Variants in NCKAP1 observed in about 807,000 individuals in gnomAD.
NCKAP1 encodes the protein NCK associated protein 1, also known as nck-associated protein 1.
A neutral mutation model predicts 151.2 loss-of-function variants in NCKAP1; 21 were observed. The ratio of observed to expected loss-of-function variants is 0.14; its 90% confidence interval spans 0.10 to 0.20. NCKAP1 has a LOEUF of 0.20. Among genes scored for constraint, NCKAP1 ranks in the 10% least tolerant of loss-of-function variants. The probability of loss-of-function intolerance (pLI) is 1.00; values close to 1 mark genes in which losing one functional copy is unlikely to be tolerated. For synonymous variants in NCKAP1, 484 were observed against 451.8 expected (o/e 1.07, Z -0.90); for missense variants, 933 against 1,352.1 (o/e 0.69, Z 4.86).
intron 24 of NCKAP1, among the ~76,000 whole-genome samples, chr2:182,935,831 T>A (rs1343687215): frequency 6.6e-6 from 1 of 152,176 alleles, no homozygotes; most frequent in Non-Finnish European, 1.5e-5. Context: ...TCTTAAATTG[T>A]TAAGGTCTTG....
intron 2 of NCKAP1, among the ~76,000 whole-genome samples, chr2:183,004,839 G>A (rs933590487): frequency 6.8e-5 from 10 of 146,294 alleles, no homozygotes; most frequent in African/African-American, 1.8e-4. Flanking sequence ...AGCTTAGATC[G>A]AGCCACTGCA....
chr2:182,996,602 C>T (rs1273616835), intron 6 of NCKAP1, among the ~76,000 whole-genome samples: 4 of 152,164 alleles, frequency 2.6e-5, no homozygotes, highest in East Asian at 3.9e-4. Context: ...GAACTACAGG[C>T]GCCCGCCACC....
At chr2:183,010,373 C>G (rs890511216) in intron 2 of NCKAP1, among the ~76,000 whole-genome samples, 1 of 152,204 alleles carries the variant, frequency 6.6e-6, no homozygotes, top group Non-Finnish European at 1.5e-5. Context: ...ACTTCAGCAT[C>G]CCTGCTGTTC....
intron 24 of NCKAP1, among the ~76,000 whole-genome samples, chr2:182,940,797 C>T (rs1045606866): frequency 1.1e-4 from 17 of 152,144 alleles, no homozygotes; most frequent in African/African-American, 3.6e-4. Flanking sequence ...TGATATGTGT[C>T]GTATGACACA....
chr2:182,957,448 G>A lies in NCKAP1; in HGVS notation c.2021+9C>T. 1 of 1,607,836 alleles carries A rather than the reference G, an allele frequency of 6.2e-7. No individual in the cohort carries two copies. On this transcript the variant is annotated intron_variant, in intron 19 of 30. Transcript: ENST00000361354. ...GGAGCAAAAAGGTATAATATAAGTG[G>A]ATACTTACTTGGTCACAACCAGCCT...
chr2:183,018,317 A>G (rs1486320337), intron 2 of NCKAP1, among the ~76,000 whole-genome samples: 1 of 152,232 alleles, frequency 6.6e-6, no homozygotes, highest in Non-Finnish European at 1.5e-5. Context: ...TATCCAGCTA[A>G]TAAGTGGAAA....
rs1696462470 is a variant in NCKAP1 at position 182,916,100 on chromosome 2, CT to C, written c.*9601del. 1.3e-5 allele frequency: 2 copies of C among 150,910 alleles called. No homozygotes were observed. 9.3% of individuals were successfully genotyped at this position (150,910 alleles called of 1,614,324 possible). A position where few individuals can be genotyped will look rare whatever the true frequency, so the allele number is the denominator to read the frequency against. The stretch of plus-strand genomic sequence containing the variant: ...CCTGCTCCTGCTCCTCCCTCTCCCC[CT>C]CCCCCACTCCAACTCTCCTTTTCCC... On this transcript the variant is annotated 3_prime_UTR_variant, in exon 31 of 31. Coordinates refer to ENST00000361354, the MANE Select transcript of NCKAP1 (RefSeq NM_013436.5).
intron 23 of NCKAP1, among the ~76,000 whole-genome samples, chr2:182,943,262 A>G (rs1161497767): frequency 6.6e-6 from 1 of 152,194 alleles, no homozygotes; most frequent in East Asian, 1.9e-4. Flanking sequence ...GTTTTTTACA[A>G]ACGAAAGGTT....
chr2:182,975,698 G>A (rs951179638), intron 15 of NCKAP1, among the ~76,000 whole-genome samples: 1 of 152,070 alleles, frequency 6.6e-6, no homozygotes, highest in African/African-American at 2.4e-5. Flanking sequence ...CCGAGGCCAG[G>A]AGTCTGAGAT....
At chr2:183,013,269 A>T (rs1215003888) in intron 2 of NCKAP1, among the ~76,000 whole-genome samples, 1 of 152,118 alleles carries the variant, frequency 6.6e-6, no homozygotes, top group Non-Finnish European at 1.5e-5. Flanking sequence ...CTCCACTCAG[A>T]TTTCCAGTAA....
chr2:182,943,709 A>C (rs1304214694), intron 23 of NCKAP1, among the ~76,000 whole-genome samples: 1 of 152,162 alleles, frequency 6.6e-6, no homozygotes, highest in Non-Finnish European at 1.5e-5. Flanking sequence ...ATATATGTTT[A>C]ATAATAAGAG....
At chr2:182,970,172 C>CAGCAAATATTT (rs1235264225) in intron 15 of NCKAP1, among the ~76,000 whole-genome samples, 5 of 152,102 alleles carry the variant, frequency 3.3e-5, no homozygotes, top group African/African-American at 1.2e-4. Flanking sequence ...TGCTGAATTC[C>CAGCAAATATTT]AGCAAATATT....
At chr2:182,989,295 G>A (rs1044923178) in intron 8 of NCKAP1, 109 bp from the exon 9 acceptor site, 8 of 753,600 alleles carry the variant, frequency 1.1e-5, no homozygotes, top group Non-Finnish European at 1.3e-5. Flanking sequence ...TCACTAAATT[G>A]AGGCTTCTGA....
intron 10 of NCKAP1, among the ~76,000 whole-genome samples, chr2:182,985,949 T>G (rs1429612889): frequency 6.6e-6 from 1 of 152,196 alleles, no homozygotes; most frequent in Non-Finnish European, 1.5e-5. Context: ...TGATACTTCC[T>G]TATAGCATTT....
chr2:182,995,637 AC>A, intron 7 of NCKAP1, 63 bp downstream of exon 7: 1 of 1,467,092 alleles, frequency 6.8e-7, no homozygotes, highest in East Asian at 2.3e-5. Context: ...CAACAGCATT[AC>A]TGAACTATTA....
At chr2:182,953,527 G>A (rs953602303) in intron 20 of NCKAP1, among the ~76,000 whole-genome samples, 196 bp from the exon 21 acceptor site, 1 of 152,208 alleles carries the variant, frequency 6.6e-6, no homozygotes, top group Non-Finnish European at 1.5e-5. Context: ...GCCGGGCATG[G>A]TGGTTCACGC....
chr2:183,029,218 G>A (rs1034446493), intron 1 of NCKAP1, among the ~76,000 whole-genome samples: 2 of 152,006 alleles, frequency 1.3e-5, no homozygotes, highest in African/African-American at 2.4e-5. Flanking sequence ...TGAAGGACAA[G>A]GATGTTTCAG....
chr2:182,965,006 TAAC>T (rs1419029361), intron 16 of NCKAP1, among the ~76,000 whole-genome samples, 198 bp from the exon 17 acceptor site: 3 of 152,082 alleles, frequency 2.0e-5, no homozygotes, highest in Non-Finnish European at 2.9e-5. Flanking sequence ...TATATAACAA[TAAC>T]AACATTTTAA....
rs969241667 is a variant in NCKAP1 at position 182,911,903 on chromosome 2, G to A, written c.*13799C>T. On this transcript the variant is annotated 3_prime_UTR_variant, in exon 31 of 31. Transcript: ENST00000361354. Reference sequence around the variant, plus strand: ...CATTTCTGGTAGGCCTTTCTGATAGGTCACTTGAGAATGACTTTTGCATTA... The same window carrying A: ...CATTTCTGGTAGGCCTTTCTGATAGATCACTTGAGAATGACTTTTGCATTA... 6.6e-6 allele frequency: 1 copy of A among 152,032 alleles called. No homozygotes were observed. Among genetic ancestry groups the A allele is most frequent in the Non-Finnish European group, 1.5e-5 (1 of 68,022 alleles). The allele number at this position is 152,032 out of a possible 1,614,324, so 9.4% of individuals were successfully genotyped here.
Sources: allele counts gnomAD v4.1 joint callset (sites outside exome capture counted in the v4.1 genomes callset), GRCh38; gene constraint gnomAD v4.1.1; transcripts MANE v1.5; gene names NCBI Gene and HGNC (gene_info 2026-07-23, HGNC 2026-07-21).